The following TEX11 variants were observed in gnomAD, a reference collection of about 807,000 sequenced individuals.
TEX11 encodes testis expressed 11, also known as testis-expressed protein 11.
A neutral mutation model predicts 84.4 loss-of-function variants in TEX11; 7 were observed. The ratio of observed to expected loss-of-function variants is 0.08; its 90% CI spans 0.05 to 0.16. TEX11 has a LOEUF of 0.16. Among genes scored for constraint, TEX11 ranks in the 10% least tolerant of loss-of-function variants. The probability of loss-of-function intolerance (pLI) is 1.00; values close to 1 mark genes in which losing one functional copy is unlikely to be tolerated. For missense variants in TEX11, 551 were observed against 660.5 expected (o/e 0.83, Z 1.82); for synonymous variants, 264 against 222.8 (o/e 1.18, Z -1.64).
intron 7 of TEX11, among the ~76,000 whole-genome samples, chrX:70,839,824 G>C (rs1004066704): frequency 8.9e-6 from 1 of 111,868 alleles, no homozygotes; most frequent in Non-Finnish European, 1.9e-5. Flanking sequence ...ACCAAGGCAC[G>C]AGAGCTACGT....
chrX:70,627,519 G>A (rs150013641), intron 18 of TEX11, among the ~76,000 whole-genome samples: 1,323 of 111,842 alleles, frequency 0.012, 74 homozygotes, highest in Admixed American at 0.11. Flanking sequence ...AGAGGTAGTA[G>A]GAATCTGTGG....
the TEX11 span, among the ~76,000 whole-genome samples, chrX:70,514,213 C>A: frequency 1.1e-3 from 119 of 109,484 alleles, 7 homozygotes; most frequent in East Asian, 0.021. Context: ...CCTAAGAAGG[C>A]GTCCTTTAGA....
At chrX:70,636,434 T>A (rs2089574653) in intron 17 of TEX11, among the ~76,000 whole-genome samples, 1 of 110,545 alleles carries the variant, frequency 9.0e-6, no homozygotes, top group African/African-American at 3.3e-5. Flanking sequence ...CTAGCCCCCA[T>A]GGACTGAGGC....
intron 7 of TEX11, among the ~76,000 whole-genome samples, chrX:70,842,919 C>A (rs1021936228): frequency 9.0e-6 from 1 of 111,616 alleles, no homozygotes; most frequent in South Asian, 3.8e-4. Flanking sequence ...ATCCAACTTA[C>A]AAGGGATGTG....
intron 28 of TEX11, among the ~76,000 whole-genome samples, chrX:70,544,264 A>G (rs969663809): frequency 1.8e-5 from 2 of 112,203 alleles, no homozygotes; most frequent in African/African-American, 6.5e-5. Flanking sequence ...CTGTATTCTC[A>G]GCACTTTGGG....
chrX:70,842,331 G>A (rs2091451197), intron 7 of TEX11, among the ~76,000 whole-genome samples: 2 of 111,040 alleles, frequency 1.8e-5, no homozygotes, highest in Middle Eastern at 4.6e-3. Context: ...TTCAACATAC[G>A]CAAATCAATA....
chrX:70,526,096 T>C (rs6625623), downstream of TEX11, among the ~76,000 whole-genome samples: 1 of 110,995 alleles, frequency 9.0e-6, no homozygotes, highest in Non-Finnish European at 1.9e-5. Context: ...CTTGGTCAGG[T>C]TGGTGAGGTT....
chrX:70,908,147 G>A (rs1267459164), intron 1 of TEX11, among the ~76,000 whole-genome samples: 4 of 111,557 alleles, frequency 3.6e-5, no homozygotes, highest in Non-Finnish European at 7.5e-5. Context: ...AATCACTCAC[G>A]GTCCTTTTTC....
intron 9 of TEX11, among the ~76,000 whole-genome samples, chrX:70,749,816 T>G (rs1396179269): frequency 9.1e-6 from 1 of 109,615 alleles, no homozygotes; most frequent in Non-Finnish European, 1.9e-5. Flanking sequence ...CTGCTGGATT[T>G]GTTTTGCCAG....
chrX:70,781,562 A>T (rs2091039217), intron 9 of TEX11, among the ~76,000 whole-genome samples: 1 of 111,591 alleles, frequency 9.0e-6, no homozygotes, highest in African/African-American at 3.3e-5. Flanking sequence ...GAAGCTAAAA[A>T]TCTTGAAAAA....
intron 2 of TEX11, among the ~76,000 whole-genome samples, chrX:70,900,836 C>T (rs1406506868): frequency 9.0e-6 from 1 of 110,645 alleles, no homozygotes; most frequent in African/African-American, 3.3e-5. Context: ...CATAGCTACT[C>T]AGGAGGCTGA....
intron 20 of TEX11, among the ~76,000 whole-genome samples, chrX:70,610,810 T>C (rs1341729994): frequency 8.9e-6 from 1 of 112,258 alleles, no homozygotes; most frequent in Non-Finnish European, 1.9e-5. Flanking sequence ...GGTTTTATAT[T>C]GTAGGGTCAT....
At chrX:70,866,208 T>C (rs149074600) in intron 4 of TEX11, among the ~76,000 whole-genome samples, 5,667 of 110,897 alleles carry the variant, frequency 0.051, 116 homozygotes, top group African/African-American at 0.066. Context: ...AAAGGGGCTA[T>C]CACCACTGAT....
rs187809150 is a variant in TEX11 at position 70,684,257 on chromosome X, A to C, written c.1005-1432T>G. 2.7e-5 allele frequency among the ~76,000 whole-genome samples: 3 copies of C among 112,623 alleles called. No homozygotes were observed. The East Asian group carries it at 8.3e-4, about 31-fold the overall frequency. On this transcript the variant is annotated intron_variant, in intron 13 of 29. Transcript: ENST00000374333. ...CAACAATAAAATATCCAAAAAGGAA[A>C]TCAAGAAAACAATCCTATTTACAAT...
At chrX:70,726,786 C>G (rs1024907009) in intron 11 of TEX11, among the ~76,000 whole-genome samples, 9 of 109,693 alleles carry the variant, frequency 8.2e-5, no homozygotes, top group Admixed American at 6.8e-4. Context: ...CTGCCTCAGC[C>G]TCCCAAAGTG....
At chrX:70,711,250 C>T (rs1391715200) in intron 13 of TEX11, among the ~76,000 whole-genome samples, 4 of 111,457 alleles carry the variant, frequency 3.6e-5, no homozygotes, top group South Asian at 3.8e-4. Flanking sequence ...AATAAACATA[C>T]GTGTACATGT....
At chrX:70,732,359 T>A (rs1235123342) in intron 11 of TEX11, among the ~76,000 whole-genome samples, 1 of 111,559 alleles carries the variant, frequency 9.0e-6, no homozygotes, top group African/African-American at 3.3e-5. Context: ...GGAAGTCAAA[T>A]TGTCCCTGTT....
intron 24 of TEX11, among the ~76,000 whole-genome samples, chrX:70,603,602 A>G (rs1410344382): frequency 9.0e-6 from 1 of 111,459 alleles, no homozygotes; most frequent in Non-Finnish European, 1.9e-5. Flanking sequence ...TAAAAACCCT[A>G]AAGGAAACCT....
intron 7 of TEX11, among the ~76,000 whole-genome samples, chrX:70,836,032 C>T (rs1384082935): frequency 3.8e-5 from 4 of 105,701 alleles, no homozygotes; most frequent in Non-Finnish European, 7.7e-5. Context: ...AGGAGAATCG[C>T]TTGAACCCGG....
Sources: allele counts gnomAD v4.1 joint callset (sites outside exome capture counted in the v4.1 genomes callset), GRCh38; gene constraint gnomAD v4.1.1; transcripts MANE v1.5; gene names NCBI Gene and HGNC (gene_info 2026-07-23, HGNC 2026-07-21).